Variants in KCTD1 observed in about 807,000 individuals in gnomAD.
KCTD1 encodes potassium channel tetramerization domain containing 1, also known as BTB/POZ domain-containing protein KCTD1.
KCTD1 carries 24 observed loss-of-function variants against 66.0 expected under a neutral mutation model. The observed-to-expected ratio is 0.36, with a 90% CI of 0.26 to 0.51. The LOEUF (loss-of-function observed/expected upper bound fraction) is 0.51. Ranked by LOEUF, KCTD1 falls within the 20% of genes least tolerant of loss-of-function variation. The pLI is 0.95. For missense variants in KCTD1, 943 were observed against 1,205.2 expected, an observed-to-expected ratio of 0.78 and a Z score of 3.22; for synonymous variants, 511 against 517.2, an observed-to-expected ratio of 0.99 and a Z score of 0.16.
At chr18:26,645,087 T>A (rs1987906061), upstream of KCTD1, among the ~76,000 whole-genome samples, 1 of 152,178 alleles carries the variant, frequency 6.6e-6, no homozygotes, top group Non-Finnish European at 1.5e-5. Context: ...ACTGACAGAA[T>A]AAAGGGCTCT....
intron 2 of KCTD1, among the ~76,000 whole-genome samples, chr18:26,481,086 T>TTACA (rs1159551289): frequency 3.9e-5 from 6 of 152,236 alleles, no homozygotes; most frequent in African/African-American, 1.2e-4. Flanking sequence ...TCTTGTGTAA[T>TTACA]CATTCAGTTA....
At chr18:26,498,432 C>A (rs1243280526) in intron 2 of KCTD1, among the ~76,000 whole-genome samples, 1 of 149,140 alleles carries the variant, frequency 6.7e-6, no homozygotes, top group Non-Finnish European at 1.5e-5. Context: ...CGCTGTCCAA[C>A]AGAAATAAAC....
chr18:26,481,706 T>A (rs188238734), intron 2 of KCTD1, among the ~76,000 whole-genome samples: 1 of 152,336 alleles, frequency 6.6e-6, no homozygotes, highest in East Asian at 1.9e-4. Context: ...TGTTTTGCCT[T>A]GCTTTGACTA....
At chr18:26,593,324 A>AGAGGAGGAAGAG in intron 1 of KCTD1, among the ~76,000 whole-genome samples, 1 of 105,646 alleles carries the variant, frequency 9.5e-6, no homozygotes, top group Middle Eastern at 4.5e-3. Context: ...AGGAGGAGGA[A>AGAGGAGGAAGAG]GAGGAGGAGG....
chr18:26,585,345 C>A (rs564487195), intron 1 of KCTD1, among the ~76,000 whole-genome samples: 3 of 152,328 alleles, frequency 2.0e-5, no homozygotes, highest in Non-Finnish European at 4.4e-5. Flanking sequence ...AAATGGAATT[C>A]TCTACCTGTA....
chr18:26,608,790 G>A (rs1024685996), intron 1 of KCTD1, among the ~76,000 whole-genome samples: 3 of 152,238 alleles, frequency 2.0e-5, no homozygotes, highest in Non-Finnish European at 4.4e-5. Context: ...CAAGAAGTGA[G>A]CTGCGTCTTT....
chr18:26,572,885 C>T (rs1474869598), intron 1 of KCTD1, among the ~76,000 whole-genome samples: 2 of 152,062 alleles, frequency 1.3e-5, no homozygotes, highest in African/African-American at 2.4e-5. Flanking sequence ...AAACAAAGGT[C>T]CTCCTCAAAA....
chr18:26,605,729 TATC>T, intron 1 of KCTD1, among the ~76,000 whole-genome samples: 3 of 77,176 alleles, frequency 3.9e-5, no homozygotes, highest in Admixed American at 1.4e-4. Context: ...TCTCTATATC[TATC>T]TATCTATCTA....
intron 1 of KCTD1, among the ~76,000 whole-genome samples, chr18:26,535,166 T>G (rs1984639679): frequency 6.6e-6 from 1 of 151,972 alleles, no homozygotes; most frequent in Non-Finnish European, 1.5e-5. Context: ...CCCCATAAAG[T>G]ACCTTGGTAT....
At chr18:26,487,663 G>C (rs1040266406) in intron 2 of KCTD1, among the ~76,000 whole-genome samples, 1 of 152,230 alleles carries the variant, frequency 6.6e-6, no homozygotes, top group African/African-American at 2.4e-5. Context: ...TGGGTGCACT[G>C]TGGCCAACAA....
intron 1 of KCTD1, among the ~76,000 whole-genome samples, chr18:26,509,509 C>T (rs1983227224): frequency 6.6e-6 from 1 of 152,102 alleles, no homozygotes; most frequent in Admixed American, 6.5e-5. Context: ...ATCACTTCAA[C>T]CATGTATCGT....
intron 2 of KCTD1, among the ~76,000 whole-genome samples, chr18:26,490,291 A>C (rs1216068715): frequency 6.6e-6 from 1 of 152,198 alleles, no homozygotes; most frequent in Non-Finnish European, 1.5e-5. Flanking sequence ...GATATAGATT[A>C]AGTAAACAGC....
intron 1 of KCTD1, among the ~76,000 whole-genome samples, chr18:26,531,334 A>G (rs1482999374): frequency 2.0e-5 from 3 of 152,202 alleles, no homozygotes; most frequent in Non-Finnish European, 4.4e-5. Flanking sequence ...TCTATTAAAG[A>G]AAAATAAATT....
intron 1 of KCTD1, among the ~76,000 whole-genome samples, chr18:26,525,151 C>A (rs1004441674): frequency 6.6e-6 from 1 of 152,186 alleles, no homozygotes; most frequent in Non-Finnish European, 1.5e-5. Flanking sequence ...TTCTTTTGCA[C>A]GTGCAACTCT....
intron 2 of KCTD1, among the ~76,000 whole-genome samples, chr18:26,486,276 G>C (rs1567964361): frequency 6.6e-6 from 1 of 152,152 alleles, no homozygotes; most frequent in Non-Finnish European, 1.5e-5. Flanking sequence ...CTGAGTTATA[G>C]AGCCATCGAG....
intron 1 of KCTD1, among the ~76,000 whole-genome samples, chr18:26,514,156 A>G (rs565110685): frequency 1.3e-5 from 2 of 152,362 alleles, no homozygotes; most frequent in East Asian, 3.9e-4. Flanking sequence ...TCTCAATGAT[A>G]TAAAGTGATG....
upstream of KCTD1, chr18:26,549,322 AAC>A: frequency 1.0e-6 from 1 of 985,282 alleles, no homozygotes; most frequent in South Asian, 4.7e-5. Flanking sequence ...AAAGGAGCGA[AAC>A]ACGCCCCACG....
At position 26,455,796 on chromosome 18, in the gene KCTD1, G is replaced by T; in HGVS notation, c.2545C>A (p.Arg849=). ...SEYVLRRELR[R]TPRVPSVIRI... The stretch of plus-strand genomic sequence containing the variant: ...ATGACGGAGGGTACACGGGGCGTCC[G>T]CCTCAGTTCCCGCCGAAGGACGTAT... The change falls in exon 5 of 5, where the codon CGG becomes AGG. Residue 849 remains arginine (R), a synonymous_variant. Coordinates refer to ENST00000580059, the MANE Select transcript of KCTD1 (RefSeq NM_001142730.3). 1 of 1,614,122 alleles carries T rather than the reference G, an allele frequency of 6.2e-7. No homozygotes were observed. The highest frequency in any genetic ancestry group is 1.1e-5 in the South Asian group (1 of 91,074).
At chr18:26,508,032 C>T (rs563351466) in intron 1 of KCTD1, among the ~76,000 whole-genome samples, 3 of 152,296 alleles carry the variant, frequency 2.0e-5, no homozygotes, top group Admixed American at 6.5e-5. Flanking sequence ...GAACACTTTA[C>T]TGTTGAAATA....
Sources: allele counts gnomAD v4.1 joint callset (sites outside exome capture counted in the v4.1 genomes callset), GRCh38; gene constraint gnomAD v4.1.1; transcripts MANE v1.5; gene names NCBI Gene and HGNC (gene_info 2026-07-23, HGNC 2026-07-21).